LAMA2: variants seen among roughly 807,000 people sequenced by gnomAD.
LAMA2 encodes laminin subunit alpha 2.
In LAMA2, 269 loss-of-function variants were observed where a neutral mutation model predicts 364.8. The observed-to-expected ratio is 0.74, with a 90% CI of 0.67 to 0.82. The LOEUF (loss-of-function observed/expected upper bound fraction) is 0.82, where lower values mean the gene tolerates loss of function less well. Ranked by LOEUF, LAMA2 falls within the 40% of genes least tolerant of loss-of-function variation. The probability of loss-of-function intolerance (pLI) is 0.00; values close to 1 mark genes in which losing one functional copy is unlikely to be tolerated. For synonymous variants in LAMA2, 1,379 were observed against 1,370.6 expected (o/e 1.01, Z -0.14); for missense variants, 3,807 against 3,873.2 (o/e 0.98, Z 0.45).
In LAMA2 at chr6:129,019,784, A is replaced by C. The variant is rs894705106; in HGVS notation, c.113-30134A>C. Among the ~76,000 whole-genome samples, 3 of 152,164 alleles carry C rather than the reference A, an allele frequency of 2.0e-5. No individual in the cohort carries two copies. The East Asian group carries it at 5.8e-4, about 29-fold the overall frequency. ...TGGCCTGATTGAGGAACTGATTGAG[A>C]TGATTAAGAGCTCTGTAGCAGGGCG... On this transcript the variant is annotated intron_variant, in intron 1 of 64. Transcript: ENST00000421865.
intron 41 of LAMA2, among the ~76,000 whole-genome samples, chr6:129,435,326 C>T (rs962032255): frequency 6.6e-6 from 1 of 152,114 alleles, no homozygotes; most frequent in African/African-American, 2.4e-5. Flanking sequence ...AAGAGCAGCC[C>T]TTTATTCTCA....
chr6:129,387,498 G>A (rs184965251), intron 35 of LAMA2, among the ~76,000 whole-genome samples: 217 of 152,270 alleles, frequency 1.4e-3, no homozygotes, highest in African/African-American at 2.0e-3. Context: ...ACAGTGTGGC[G>A]ATTCCTCAAG....
intron 31 of LAMA2, 38 bp downstream of exon 31, chr6:129,349,422 T>A: frequency 7.0e-7 from 1 of 1,437,632 alleles, no homozygotes; most frequent in Non-Finnish European, 9.8e-7. Flanking sequence ...TAATGATATG[T>A]AGGGACTATA....
At chr6:129,309,985 C>T (rs1321369636) in intron 22 of LAMA2, among the ~76,000 whole-genome samples, 3 of 149,310 alleles carry the variant, frequency 2.0e-5, no homozygotes, top group Admixed American at 6.8e-5. Context: ...CTGCAAGCTC[C>T]GCCTCCCGGG....
At chr6:129,482,718 C>T (rs560722635) in intron 55 of LAMA2, among the ~76,000 whole-genome samples, 11 of 152,142 alleles carry the variant, frequency 7.2e-5, no homozygotes, top group South Asian at 2.1e-4. Context: ...TGTATAACCA[C>T]GAGTAACTTG....
At chr6:128,922,150 A>T (rs899191186) in intron 1 of LAMA2, among the ~76,000 whole-genome samples, 31 of 152,000 alleles carry the variant, frequency 2.0e-4, no homozygotes, top group African/African-American at 7.0e-4. Flanking sequence ...CTATTGTGAA[A>T]AATGCCACAA....
chr6:129,425,096 A>G (rs1781261156), intron 40 of LAMA2, among the ~76,000 whole-genome samples: 1 of 152,088 alleles, frequency 6.6e-6, no homozygotes, highest in South Asian at 2.1e-4. Context: ...AAAGCAGATC[A>G]GTATTTGTCT....
chr6:128,887,994 G>T (rs1228487290), intron 1 of LAMA2, among the ~76,000 whole-genome samples: 1 of 152,258 alleles, frequency 6.6e-6, no homozygotes, highest in Non-Finnish European at 1.5e-5. Context: ...AGAAATTATT[G>T]TAAATAATTA....
chr6:129,508,210 A>G (rs892429129), intron 62 of LAMA2, among the ~76,000 whole-genome samples: 5 of 136,050 alleles, frequency 3.7e-5, no homozygotes, highest in African/African-American at 7.8e-5. Context: ...TAACCTCTAC[A>G]TAATAATTTT....
chr6:129,086,904 C>A (rs1774417694), intron 3 of LAMA2, among the ~76,000 whole-genome samples: 1 of 152,142 alleles, frequency 6.6e-6, no homozygotes, highest in South Asian at 2.1e-4. Flanking sequence ...CTGAAAGAAT[C>A]AGTTTCTACA....
chr6:129,149,846 G>T (rs1395246273), intron 7 of LAMA2, among the ~76,000 whole-genome samples: 1 of 152,050 alleles, frequency 6.6e-6, no homozygotes, highest in East Asian at 1.9e-4. Flanking sequence ...TTTACATTTT[G>T]TTAGGTATTA....
chr6:129,268,850 T>C (rs1052951425), intron 16 of LAMA2, among the ~76,000 whole-genome samples: 1 of 152,080 alleles, frequency 6.6e-6, no homozygotes, highest in Non-Finnish European at 1.5e-5. Context: ...ATACTGACTT[T>C]CAAGTGCCCT....
At chr6:129,402,612 A>T in intron 39 of LAMA2, 125 bp downstream of exon 39, 1 of 967,770 alleles carries the variant, frequency 1.0e-6, no homozygotes, top group Non-Finnish European at 1.6e-6. Flanking sequence ...CACTAGCTAT[A>T]TGGCCTTTCT....
At chr6:128,960,343 C>CTTTTT (rs35955136) in intron 1 of LAMA2, among the ~76,000 whole-genome samples, 1 of 112,012 alleles carries the variant, frequency 8.9e-6, no homozygotes. Context: ...TTTTTTTTTC[C>CTTTTT]TTTTTTTTTT....
At chr6:128,928,908 G>T (rs775221577) in intron 1 of LAMA2, 1 of 724,226 alleles carries the variant, frequency 1.4e-6, no homozygotes, top group Non-Finnish European at 2.4e-6. Flanking sequence ...CCTCTTTTGG[G>T]CATTTCTTCC....
intron 4 of LAMA2, among the ~76,000 whole-genome samples, chr6:129,133,213 G>A (rs1485054217): frequency 2.0e-5 from 3 of 152,190 alleles, no homozygotes; most frequent in Non-Finnish European, 4.4e-5. Context: ...CTTGTGCAAT[G>A]AGAAAAGATC....
At chr6:129,102,789 G>A (rs1046181046) in intron 4 of LAMA2, among the ~76,000 whole-genome samples, 2 of 152,204 alleles carry the variant, frequency 1.3e-5, no homozygotes, top group African/African-American at 4.8e-5. Context: ...TGATGCTACT[G>A]CCAGGCAATG....
chr6:129,223,416 C>A (rs982810996), intron 12 of LAMA2, among the ~76,000 whole-genome samples: 11 of 152,140 alleles, frequency 7.2e-5, no homozygotes, highest in Non-Finnish European at 1.6e-4. Context: ...AAGTCCTTAC[C>A]CATGCCTATG....
At chr6:128,884,579 T>C (rs1309936663) in intron 1 of LAMA2, among the ~76,000 whole-genome samples, 1 of 152,194 alleles carries the variant, frequency 6.6e-6, no homozygotes, top group Non-Finnish European at 1.5e-5. Flanking sequence ...AATAACTCCC[T>C]GATTAAAATT....
Sources: allele counts gnomAD v4.1 joint callset (sites outside exome capture counted in the v4.1 genomes callset), GRCh38; gene constraint gnomAD v4.1.1; transcripts MANE v1.5; gene names NCBI Gene and HGNC (gene_info 2026-07-23, HGNC 2026-07-21).